NEB: variants seen among roughly 807,000 people sequenced by gnomAD.
NEB encodes nemaline myopathy type 2.
Under a neutral mutation model 952.2 loss-of-function variants are expected in NEB, and 512 were observed. The ratio of observed to expected loss-of-function variants is 0.54; its 90% CI spans 0.50 to 0.58. The LOEUF (loss-of-function observed/expected upper bound fraction) is 0.58. Ranked by LOEUF, NEB falls within the 20% of genes least tolerant of loss-of-function variation. The pLI is 0.00. For missense variants in NEB, 8,428 were observed against 9,231.1 expected, an observed-to-expected ratio of 0.91 and a Z score of 3.56; for synonymous variants, 2,900 against 3,149.8, an observed-to-expected ratio of 0.92 and a Z score of 2.66.
intron 36 of NEB, among the ~76,000 whole-genome samples, chr2:151,673,436 T>TA (rs35236177): frequency 0.045 from 5,961 of 131,942 alleles, 163 homozygotes; most frequent in African/African-American, 0.085. Context: ...GTGTAAGTGC[T>TA]AAAAAAAAAA....
intron 169 of NEB, 77 bp downstream of exon 169, chr2:151,499,221 T>A: frequency 1.3e-6 from 1 of 769,448 alleles, no homozygotes; most frequent in Non-Finnish European, 2.0e-6. Context: ...ATGAGTTGAT[T>A]AGATTTTTAA....
At chr2:151,613,704 T>C (rs6732307) in intron 77 of NEB, among the ~76,000 whole-genome samples, 93,360 of 151,932 alleles carry the variant, frequency 0.61, 29,260 homozygotes, top group East Asian at 0.79. Flanking sequence ...TTGCTGTTCT[T>C]GTGATAGTGA....
intron 69 of NEB, 57 bp downstream of exon 69, chr2:151,627,466 C>G (rs1329826121): frequency 3.2e-6 from 5 of 1,581,566 alleles, no homozygotes; most frequent in Non-Finnish European, 3.5e-6. Context: ...ACCACTGTCT[C>G]AGTATTTCTA....
At position 151,565,623 on chromosome 2, in the gene NEB, C is replaced by A. The variant is rs772326838; in HGVS notation, c.18262-18G>T. On this transcript the variant is annotated intron_variant, in intron 115 of 181. Transcript: ENST00000397345. ...TATTTGATCTGTAAAGAAACGGAGA[C>A]AATTAAGACAGGTCTACCACCACAG... The A allele has an allele frequency of 6.4e-7, 1 of 1,569,742 alleles. No individual in the cohort carries two copies. The highest frequency in any genetic ancestry group is 1.8e-5 in the Admixed American group (1 of 56,586).
At chr2:151,668,902 G>A (rs1356663988) in intron 39 of NEB, 125 bp downstream of exon 39, 1 of 693,088 alleles carries the variant, frequency 1.4e-6, no homozygotes, top group Non-Finnish European at 2.4e-6. Context: ...CATGGTTAAG[G>A]GTTTAATGTG....
rs2096490163 is a variant in NEB at position 151,568,084 on chromosome 2, T to C, written c.17831A>G (p.Asp5944Gly). 2 of 1,613,322 alleles carry C rather than the reference T, an allele frequency of 1.2e-6. No individual in the cohort carries two copies. Among genetic ancestry groups the C allele is most frequent in the Non-Finnish European group, 1.7e-6 (2 of 1,179,526 alleles). ...AGGATGTATTACCTCACTCTGAACG[T>C]CATTGCAGTGATGGGCATGAACAAA... ...VPFVHAHHCN[D>G]VQSELKYKAE... The change falls in exon 113 of 182, where the codon GAC (aspartate) becomes GGC (glycine). Residue 5944 changes from aspartate to glycine, a missense_variant. Around this residue, in one of 11 missense-constraint regions of NEB, gnomAD observed 3,374 missense variants for 3,651.5 expected, o/e 0.92. Transcript: ENST00000397345.
Position 151,567,230 on chromosome 2 carries a change from T to A in NEB, c.18094A>T (p.Met6032Leu). 6.2e-7 allele frequency: 1 copy of A among 1,613,800 alleles called. No homozygotes were observed. The highest frequency in any genetic ancestry group is 1.3e-5 in the African/African-American group (1 of 75,030). Residue 6032 changes from methionine to leucine, a missense_variant, in exon 114 of 182, where the codon ATG (methionine) becomes TTG (leucine). By Grantham distance (15) the Met-to-Leu change is conservative (BLOSUM62 2). Coordinates refer to ENST00000397345, the MANE Select transcript of NEB (RefSeq NM_001164508.2). ...ACATCGTTCTGGTCAGGATGACACA[T>A]CCATTGGTGCAAGTAATTACGATAA... ...IDYRNYLHQW[M>L]CHPDQNDVIQ...
At chr2:151,614,133 A>T in intron 77 of NEB, 143 bp downstream of exon 77, 3 of 997,966 alleles carry the variant, frequency 3.0e-6, no homozygotes. Flanking sequence ...TCTGAAACTA[A>T]ATACATACTT....
At chr2:151,696,872 A>C (rs936300424) in intron 16 of NEB, 137 bp from the exon 17 acceptor site, 5 of 678,496 alleles carry the variant, frequency 7.4e-6, no homozygotes, top group Non-Finnish European at 1.3e-5. Flanking sequence ...TTTTCTAACT[A>C]GACTGTAGTT....
At chr2:151,527,408 T>C (rs2086957143) in intron 147 of NEB, 73 bp downstream of exon 147, 2 of 1,127,658 alleles carry the variant, frequency 1.8e-6, no homozygotes, top group Non-Finnish European at 1.3e-6. Flanking sequence ...ATAGTGGTTA[T>C]TATAAATAAT....
At chr2:151,617,799 C>T (rs574715843) in intron 74 of NEB, among the ~76,000 whole-genome samples, 25 of 151,698 alleles carry the variant, frequency 1.6e-4, no homozygotes, top group Admixed American at 4.6e-4. Context: ...CGGTGGCTTA[C>T]ACCTGTAATC....
chr2:151,641,666 A>G (rs1242728404), intron 60 of NEB, among the ~76,000 whole-genome samples: 1 of 152,110 alleles, frequency 6.6e-6, no homozygotes, highest in Non-Finnish European at 1.5e-5. Flanking sequence ...TAGGTATTTC[A>G]TTATATGGTA....
chr2:151,705,781 T>C (rs1322449211), intron 13 of NEB, among the ~76,000 whole-genome samples: 2 of 152,186 alleles, frequency 1.3e-5, no homozygotes, highest in East Asian at 3.9e-4. Flanking sequence ...GCAACTTGAA[T>C]GGAGCTGGAG....
chr2:151,565,831 G>A lies in NEB; in HGVS notation c.18157-11C>T. ...AGCTCTGTAGACATTCTGAGAGCAG[G>A]AAGAGAGATATAATGGAGGAATAAA... On this transcript the variant is annotated splice_polypyrimidine_tract_variant and intron_variant, in intron 114 of 181. Transcript: ENST00000397345. 6.3e-7 allele frequency: 1 copy of A among 1,579,490 alleles called. No individual in the cohort carries two copies. The highest frequency in any genetic ancestry group is 1.3e-5 in the African/African-American group (1 of 74,438).
intron 29 of NEB, among the ~76,000 whole-genome samples, chr2:151,681,192 C>T (rs1445937702): frequency 6.6e-6 from 1 of 152,150 alleles, no homozygotes; most frequent in Non-Finnish European, 1.5e-5. Context: ...GATTGGAGTG[C>T]CTTTGCATGG....
intron 167 of NEB, among the ~76,000 whole-genome samples, 151 bp from the exon 168 acceptor site, chr2:151,501,634 TC>T (rs2064658263): frequency 6.6e-6 from 1 of 152,150 alleles, no homozygotes; most frequent in Non-Finnish European, 1.5e-5. Context: ...TAACTATAGA[TC>T]CCCTTTGGAC....
At position 151,672,604 on chromosome 2, in the gene NEB, A is replaced by G. The variant is rs1489930975; in HGVS notation, c.4064T>C (p.Leu1355Pro). The G allele has an allele frequency of 1.9e-6, 3 of 1,614,022 alleles. No homozygotes were observed. In the Admixed American group the frequency reaches 5.0e-5, roughly 27 times the overall value. Residue 1355 changes from leucine (L) to proline (P), a missense_variant, in exon 37 of 182, where the codon CTG (leucine) becomes CCG (proline). Physicochemically the swap from Leu to Pro is moderately conservative, Grantham distance 98. Coordinates refer to ENST00000397345, the MANE Select transcript of NEB (RefSeq NM_001164508.2). Reference protein sequence around the residue: ...GFRSLQDDPKLVHYMNVAKLQ... With the variant: ...GFRSLQDDPKPVHYMNVAKLQ... Reference sequence around the variant, plus strand: ...CTTTGCCACATTCATATAGTGGACCAGCTTGGGATCATCCTGGAGGCTTCT... The same window carrying G: ...CTTTGCCACATTCATATAGTGGACCGGCTTGGGATCATCCTGGAGGCTTCT...
rs899294642 is a variant in NEB at position 151,514,340 on chromosome 2, T to C, written c.23105A>G (p.Asn7702Ser). 2 of 1,613,118 alleles carry C rather than the reference T, an allele frequency of 1.2e-6. No homozygotes were observed. The highest frequency in any genetic ancestry group is 2.7e-5 in the African/African-American group (2 of 74,924). Residue 7702 changes from asparagine (N) to serine (S), a missense_variant, in exon 159 of 182, where the codon AAT (asparagine) becomes AGT (serine). This residue lies in a region of NEB where 3,374 missense variants were observed against 3,651.5 expected (regional missense o/e 0.92). Coordinates refer to ENST00000397345, the MANE Select transcript of NEB (RefSeq NM_001164508.2). ...TACCTCATTGAGGATTTGAGTGGCA[T>C]TCTTTGCTCTTAGCATGTCAGGTGT... ...EDTPDMLRAK[N>S]ATQILNEKEY...
Position 151,609,722 on chromosome 2 carries a change from C to T in NEB, c.12330+87G>A. ...CCCCAGGTTTGTGCAGTGCACAGCCCAGGGGACTGTCCTCAGAGGCACTGA... is the reference window on the plus strand; with the variant it reads ...CCCCAGGTTTGTGCAGTGCACAGCCTAGGGGACTGTCCTCAGAGGCACTGA... On this transcript the variant is annotated intron_variant, in intron 81 of 181. Transcript: ENST00000397345. 3.7e-6 allele frequency: 5 copies of T among 1,348,794 alleles called. No homozygotes were observed. In the South Asian group the frequency reaches 4.3e-5, roughly 12 times the overall value. The allele number at this position is 1,348,794 out of a possible 1,614,324, so 83.6% of individuals were successfully genotyped here.
Sources: gnomAD v4.1 joint callset for allele counts (sites outside exome capture counted in the v4.1 genomes callset) on GRCh38, gnomAD v4.1.1 for gene constraint, gnomAD v4.1.1 regional missense constraint, MANE v1.5 for transcripts, NCBI Gene and HGNC (gene_info 2026-07-23, HGNC 2026-07-21) for gene names.